The following SRPK2 variants were observed in gnomAD, a reference collection of about 807,000 sequenced individuals.
SRPK2 encodes the protein SRSF protein kinase 2, also known as SFRS protein kinase 2.
A neutral mutation model predicts 90.8 loss-of-function variants in SRPK2; 21 were observed. The observed-to-expected ratio is 0.23, with a 90% CI of 0.16 to 0.33. SRPK2 has a LOEUF of 0.33. Ranked by LOEUF, SRPK2 falls within the 10% of genes least tolerant of loss-of-function variation. The probability of loss-of-function intolerance (pLI) is 1.00; values close to 1 mark genes in which losing one functional copy is unlikely to be tolerated. For synonymous variants in SRPK2, 288 were observed against 311.1 expected, an observed-to-expected ratio of 0.93 and a Z score of 0.78; for missense variants, 620 against 869.0, an observed-to-expected ratio of 0.71 and a Z score of 3.60.
At chr7:105,279,120 A>G (rs1806919615) in intron 2 of SRPK2, among the ~76,000 whole-genome samples, 2 of 152,082 alleles carry the variant, frequency 1.3e-5, no homozygotes, top group South Asian at 4.2e-4. Flanking sequence ...ATTCCAAAGC[A>G]AGATCATTTG....
At chr7:105,356,686 G>C (rs1161526970) in intron 2 of SRPK2, among the ~76,000 whole-genome samples, 1 of 152,134 alleles carries the variant, frequency 6.6e-6, no homozygotes, top group Non-Finnish European at 1.5e-5. Context: ...AGTACAACCT[G>C]TATTTGCTTT....
chr7:105,242,789 C>T (rs776488352), intron 2 of SRPK2, among the ~76,000 whole-genome samples: 10 of 152,188 alleles, frequency 6.6e-5, no homozygotes, highest in Non-Finnish European at 1.3e-4. Context: ...ACCATGTTCA[C>T]CATTGAGTCT....
intron 3 of SRPK2, 103 bp from the exon 4 acceptor site, chr7:105,169,368 C>T: frequency 2.5e-6 from 2 of 807,860 alleles, no homozygotes; most frequent in Non-Finnish European, 2.0e-6. Flanking sequence ...GAAAGCTCTA[C>T]ATAATACATG....
chr7:105,185,978 T>G (rs939148083), intron 3 of SRPK2, among the ~76,000 whole-genome samples: 2 of 152,232 alleles, frequency 1.3e-5, no homozygotes, highest in African/African-American at 4.8e-5. Flanking sequence ...CTACATATAT[T>G]TGGAAGTCTG....
intron 11 of SRPK2, among the ~76,000 whole-genome samples, chr7:105,139,440 C>T (rs1803375505): frequency 6.6e-6 from 1 of 152,190 alleles, no homozygotes; most frequent in Non-Finnish European, 1.5e-5. Flanking sequence ...GATCAAGTTT[C>T]TCACTGGAGC....
At chr7:105,301,739 A>G in intron 2 of SRPK2, 1 of 1,605,966 alleles carries the variant, frequency 6.2e-7, no homozygotes, top group Non-Finnish European at 8.5e-7. Flanking sequence ...ACACCGTATC[A>G]TCAGCTGTAA....
intron 3 of SRPK2, among the ~76,000 whole-genome samples, chr7:105,196,881 C>G (rs1794978853): frequency 6.6e-6 from 1 of 152,036 alleles, no homozygotes; most frequent in South Asian, 2.1e-4. Flanking sequence ...GAAACCTCAT[C>G]TCTACTAAAA....
chr7:105,369,234 C>A (rs570945198), intron 2 of SRPK2, among the ~76,000 whole-genome samples: 2 of 151,982 alleles, frequency 1.3e-5, no homozygotes, highest in Non-Finnish European at 2.9e-5. Context: ...GCCACCTCCA[C>A]CTGCTGGGTT....
At chr7:105,368,884 CAAAA>C (rs5886350) in intron 2 of SRPK2, among the ~76,000 whole-genome samples, 3 of 93,116 alleles carry the variant, frequency 3.2e-5, no homozygotes, top group Admixed American at 2.4e-4. Flanking sequence ...AACTCTATCT[CAAAA>C]AAAAAAAAAA....
chr7:105,119,389 T>C (rs1053371159), intron 15 of SRPK2, among the ~76,000 whole-genome samples: 1 of 152,096 alleles, frequency 6.6e-6, no homozygotes, highest in Non-Finnish European at 1.5e-5. Flanking sequence ...AAAGGGGAAG[T>C]AGCCTACAAT....
At chr7:105,358,915 G>A (rs922376296) in intron 2 of SRPK2, among the ~76,000 whole-genome samples, 2 of 151,714 alleles carry the variant, frequency 1.3e-5, no homozygotes, top group African/African-American at 4.8e-5. Context: ...GAAGAAAGGG[G>A]TGCTAAGAAC....
intron 2 of SRPK2, among the ~76,000 whole-genome samples, chr7:105,336,730 C>T (rs979571397): frequency 1.3e-5 from 2 of 152,174 alleles, no homozygotes; most frequent in African/African-American, 4.8e-5. Context: ...ACTCTGAGTT[C>T]CCAATTCTAA....
chr7:105,261,173 C>CATTGT (rs952150912), intron 2 of SRPK2, among the ~76,000 whole-genome samples: 12 of 152,162 alleles, frequency 7.9e-5, no homozygotes, highest in African/African-American at 2.9e-4. Flanking sequence ...ATTTAATTTC[C>CATTGT]ATTGTATATT....
intron 2 of SRPK2, among the ~76,000 whole-genome samples, chr7:105,271,292 GA>G (rs1485489264): frequency 2.0e-5 from 3 of 152,198 alleles, no homozygotes; most frequent in East Asian, 1.9e-4. Flanking sequence ...ACACTGGAAA[GA>G]AAAGTTCAAG....
At position 105,143,145 on chromosome 7, in the gene SRPK2, C is replaced by T. The variant is rs751434491; in HGVS notation, c.999G>A (p.Glu333=). 4 of 1,614,174 alleles carry T rather than the reference C, an allele frequency of 2.5e-6. No homozygotes were observed. Among genetic ancestry groups the T allele is most frequent in the Non-Finnish European group, 2.5e-6 (3 of 1,180,034 alleles). ...CTAATCCTGTTGTTTTTAGTTTCAC[C>T]TCTGGGCAGTATTCGCCATCCTGGT... ...SNDQDGEYCP[E]VKLKTTGLEE... Residue 333 remains glutamate (E), a synonymous_variant, in exon 10 of 16, where the codon GAG becomes GAA. Transcript: ENST00000393651.
chr7:105,235,460 T>TTG (rs57638058), intron 2 of SRPK2, among the ~76,000 whole-genome samples: 3,999 of 150,932 alleles, frequency 0.026, 177 homozygotes, highest in African/African-American at 0.088. Flanking sequence ...TTGTCTGGGA[T>TTG]TGTGTGTGTG....
chr7:105,356,928 T>C lies in SRPK2; in HGVS notation c.71+31720A>G, dbSNP rs192560285. The stretch of plus-strand genomic sequence containing the variant: ...ATCTGCTACCCTAACAACACTATGG[T>C]AAAGGCCTTATGTGTATCCACCTTC... On this transcript the variant is annotated intron_variant, in intron 2 of 15. Transcript: ENST00000393651. 4.6e-5 allele frequency among the ~76,000 whole-genome samples: 7 copies of C among 152,328 alleles called. No individual in the cohort carries two copies. In the East Asian group the frequency reaches 1.3e-3, roughly 29 times the overall value.
intron 2 of SRPK2, chr7:105,269,191 G>A (rs1450704251): frequency 3.0e-6 from 2 of 660,012 alleles, no homozygotes; most frequent in Non-Finnish European, 3.8e-6. Context: ...ATACAAACAA[G>A]AAATCTTGAA....
At chr7:105,120,193 G>C (rs181517269) in intron 15 of SRPK2, among the ~76,000 whole-genome samples, 3 of 152,134 alleles carry the variant, frequency 2.0e-5, no homozygotes, top group Non-Finnish European at 4.4e-5. Context: ...GAAAGGGAGC[G>C]AACTTTTATG....
Sources: gnomAD v4.1 joint callset for allele counts (sites outside exome capture counted in the v4.1 genomes callset) on GRCh38, gnomAD v4.1.1 for gene constraint, MANE v1.5 for transcripts, NCBI Gene and HGNC (gene_info 2026-07-23, HGNC 2026-07-21) for gene names.